RTL4: variants seen among roughly 807,000 people sequenced by gnomAD.
RTL4 encodes the protein retrotransposon Gag like 4.
Under a neutral mutation model 5.3 loss-of-function variants are expected in RTL4, and 4 were observed. The observed-to-expected ratio is 0.75, with a 90% CI of 0.37 to 1.72. The LOEUF (loss-of-function observed/expected upper bound fraction) is 1.72, where lower values mean the gene tolerates loss of function less well. Ranked by LOEUF, RTL4 falls within the 40% of genes most tolerant of loss-of-function variation. RTL4 has a pLI of 0.04. For synonymous variants in RTL4, 98 were observed against 87.3 expected, an observed-to-expected ratio of 1.12 and a Z score of -0.68; for missense variants, 260 against 227.1, an observed-to-expected ratio of 1.14 and a Z score of -0.93.
the RTL4 span, among the ~76,000 whole-genome samples, chrX:112,242,922 T>G: frequency 2.7e-5 from 3 of 111,806 alleles, no homozygotes; most frequent in African/African-American, 9.8e-5. Context: ...TTTTGTTGAA[T>G]GCCTTTTCTG....
At chrX:112,332,382 C>T in the RTL4 span, among the ~76,000 whole-genome samples, 4 of 110,167 alleles carry the variant, frequency 3.6e-5, no homozygotes, top group African/African-American at 1.3e-4. Flanking sequence ...CACATGCACA[C>T]GTATGTTTAT....
the RTL4 span, among the ~76,000 whole-genome samples, chrX:112,424,458 A>G: frequency 2.7e-5 from 3 of 111,348 alleles, no homozygotes; most frequent in African/African-American, 9.8e-5. Context: ...TTGAAAATAA[A>G]TCTTCTGGTA....
At chrX:112,179,496 G>A in the RTL4 span, among the ~76,000 whole-genome samples, 1 of 112,033 alleles carries the variant, frequency 8.9e-6, no homozygotes. Context: ...GGTATGTCAG[G>A]TAGGACAAGC....
At chrX:112,414,934 G>A in the RTL4 span, among the ~76,000 whole-genome samples, 1 of 111,077 alleles carries the variant, frequency 9.0e-6, no homozygotes, top group East Asian at 2.8e-4. Flanking sequence ...TGCCTCCCCT[G>A]TTGGATATTT....
the RTL4 span, among the ~76,000 whole-genome samples, chrX:112,365,432 A>AG: frequency 8.5e-3 from 944 of 111,438 alleles, 17 homozygotes; most frequent in African/African-American, 0.029. Context: ...ACTTGGGGTC[A>AG]GAAACTCAAC....
chrX:112,255,751 A>C, the RTL4 span, among the ~76,000 whole-genome samples: 1 of 111,848 alleles, frequency 8.9e-6, no homozygotes, highest in African/African-American at 3.2e-5. Context: ...TTGAAGATTT[A>C]TCTCGTTTCC....
chrX:112,356,994 T>C, the RTL4 span, among the ~76,000 whole-genome samples: 47,726 of 110,137 alleles, frequency 0.43, 9,372 homozygotes, highest in African/African-American at 0.77. Context: ...AAAAGTCTGC[T>C]ATAGTCAGTA....
At chrX:112,366,100 A>T in the RTL4 span, among the ~76,000 whole-genome samples, 3 of 111,274 alleles carry the variant, frequency 2.7e-5, no homozygotes, top group Non-Finnish European at 5.7e-5. Context: ...TTTGGCCGTT[A>T]ATATCAGTAA....
At chrX:112,236,466 T>TAAAATA in the RTL4 span, among the ~76,000 whole-genome samples, 1 of 81,046 alleles carries the variant, frequency 1.2e-5, no homozygotes, top group Admixed American at 1.3e-4. Context: ...TAGATCTATA[T>TAAAATA]CTATATATAG....
the RTL4 span, among the ~76,000 whole-genome samples, chrX:112,205,316 T>C: frequency 9.0e-6 from 1 of 111,253 alleles, no homozygotes; most frequent in African/African-American, 3.3e-5. Context: ...TTATACAAGG[T>C]CATTAAGATT....
the RTL4 span, among the ~76,000 whole-genome samples, chrX:112,298,635 C>T: frequency 8.9e-6 from 1 of 112,676 alleles, no homozygotes; most frequent in Non-Finnish European, 1.9e-5. Context: ...TTAATAATTG[C>T]TCTTCTGTAC....
chrX:112,371,251 G>A, the RTL4 span, among the ~76,000 whole-genome samples: 1 of 111,069 alleles, frequency 9.0e-6, no homozygotes, highest in Non-Finnish European at 1.9e-5. Context: ...TAGTTGGGGT[G>A]TCATACCAGT....
At chrX:112,443,874 A>G in the RTL4 span, among the ~76,000 whole-genome samples, 1 of 111,642 alleles carries the variant, frequency 9.0e-6, no homozygotes, top group South Asian at 3.7e-4. Flanking sequence ...TATTTTATTT[A>G]TCCCATTCTG....
the RTL4 span, among the ~76,000 whole-genome samples, chrX:112,366,879 G>A: frequency 1.8e-5 from 2 of 111,938 alleles, no homozygotes; most frequent in Non-Finnish European, 3.8e-5. Context: ...GTCTAAGGCA[G>A]CTTTGATCAG....
At chrX:112,128,562 G>C in the RTL4 span, among the ~76,000 whole-genome samples, 15 of 107,173 alleles carry the variant, frequency 1.4e-4, no homozygotes, top group African/African-American at 4.7e-4. Flanking sequence ...GGGAGACTGA[G>C]GCAGGAGACT....
At chrX:112,326,385 C>G in the RTL4 span, among the ~76,000 whole-genome samples, 2 of 111,580 alleles carry the variant, frequency 1.8e-5, no homozygotes, top group Non-Finnish European at 3.8e-5. Flanking sequence ...TCAAAGAAAG[C>G]AGTGACAGAC....
At chrX:112,353,584 C>CA in the RTL4 span, among the ~76,000 whole-genome samples, 2 of 110,220 alleles carry the variant, frequency 1.8e-5, no homozygotes, top group African/African-American at 6.6e-5. Flanking sequence ...ATCGCAAGGA[C>CA]AAAAAACCAA....
chrX:112,085,387 C>G, the RTL4 span, among the ~76,000 whole-genome samples: 1 of 112,676 alleles, frequency 8.9e-6, no homozygotes, highest in Admixed American at 9.3e-5. Context: ...TTTCTCCTCT[C>G]TTCTTACAGC....
the RTL4 span, among the ~76,000 whole-genome samples, chrX:112,265,823 A>C: frequency 9.4e-6 from 1 of 106,556 alleles, no homozygotes. Context: ...CATAACCTTA[A>C]CCATTCTCTT....
Sources: gnomAD v4.1 joint callset for allele counts (sites outside exome capture counted in the v4.1 genomes callset) on GRCh38, gnomAD v4.1.1 for gene constraint, MANE v1.5 for transcripts, NCBI Gene and HGNC (gene_info 2026-07-23, HGNC 2026-07-21) for gene names.